The following PCDHGB6 variants were observed in gnomAD, a reference collection of about 807,000 sequenced individuals.
PCDHGB6 encodes protocadherin gamma-B6.
A neutral mutation model predicts 59.1 loss-of-function variants in PCDHGB6; 51 were observed. The ratio of observed to expected loss-of-function variants is 0.86; its 90% CI spans 0.69 to 1.09. The LOEUF (loss-of-function observed/expected upper bound fraction) is 1.09, where lower values mean the gene tolerates loss of function less well. Ranked by LOEUF, PCDHGB6 falls within the 50% of genes least tolerant of loss-of-function variation. The pLI is 0.00. For missense variants in PCDHGB6, 1,148 were observed against 1,205.1 expected, an observed-to-expected ratio of 0.95 and a Z score of 0.70; for synonymous variants, 466 against 495.1, an observed-to-expected ratio of 0.94 and a Z score of 0.78.
At chr5:141,423,183 G>GCCCCCTCTCTCGGCCAC (rs760086052) in intron 1 of PCDHGB6, 8 of 1,613,570 alleles carry the variant, frequency 5.0e-6, no homozygotes, top group Non-Finnish European at 6.8e-6. Context: ...ACCACGGCCA[G>GCCCCCTCTCTCGGCCAC]CCCCCTCTCT....
At position 141,421,233 on chromosome 5, in the gene PCDHGB6, G is replaced by A. The variant is rs201076931; in HGVS notation, c.2418+10613G>A. Reference sequence around the variant, plus strand: ...ATATCGGCTTAGAGCCTGCCATGGCGAATCGGCTACAGCGCGGGGACCGCA... The same window carrying A: ...ATATCGGCTTAGAGCCTGCCATGGCAAATCGGCTACAGCGCGGGGACCGCA... On this transcript the variant is annotated intron_variant, in intron 1 of 3. Coordinates refer to ENST00000520790, the MANE Select transcript of PCDHGB6 (RefSeq NM_018926.3). 1.4e-3 allele frequency: 2,185 copies of A among 1,592,236 alleles called. 58 individuals are homozygous for A. In the South Asian group the frequency reaches 0.024, roughly 17 times the overall value.
At position 141,431,555 on chromosome 5, in the gene PCDHGB6, G is replaced by A. The variant is rs2097394199; in HGVS notation, c.2418+20935G>A. On this transcript the variant is annotated intron_variant, in intron 1 of 3. Transcript: ENST00000520790. This position sits in a 1 kb window ranked among gnomAD's most constrained non-coding sequence, Gnocchi z 4.8. The stretch of plus-strand genomic sequence containing the variant: ...GGGCACGCAGCTGCTTGTAGTCAAC[G>A]CTACCGACCCTGACGAAGGAGTCAA... 1 of 1,614,014 alleles carries A rather than the reference G, an allele frequency of 6.2e-7. No individual in the cohort carries two copies. The highest frequency in any genetic ancestry group is 8.5e-7 in the Non-Finnish European group (1 of 1,180,032).
chr5:141,452,929 G>A (rs2154564099), intron 1 of PCDHGB6, among the ~76,000 whole-genome samples: 1 of 152,310 alleles, frequency 6.6e-6, no homozygotes, highest in Admixed American at 6.5e-5. Flanking sequence ...AAGAGCTGCT[G>A]AAGATTTGCT....
chr5:141,498,294 G>A (rs2099782964), intron 2 of PCDHGB6, among the ~76,000 whole-genome samples: 1 of 151,910 alleles, frequency 6.6e-6, no homozygotes, highest in African/African-American at 2.4e-5. Flanking sequence ...GATCAAGCCA[G>A]CTCTGGGTCA....
chr5:141,418,864 A>T, intron 1 of PCDHGB6: 1 of 1,614,046 alleles, frequency 6.2e-7, no homozygotes, highest in Non-Finnish European at 8.5e-7. Context: ...AAGTAATTGT[A>T]GAAGTTGTAG....
At chr5:141,505,348 G>A (rs1414647950) in intron 2 of PCDHGB6, 45 bp from the exon 3 acceptor site, 1 of 1,613,358 alleles carries the variant, frequency 6.2e-7, no homozygotes, top group Admixed American at 1.7e-5. Context: ...GGCATGAGCT[G>A]TGCCGGCCTG....
At chr5:141,482,371 T>C (rs1191880709) in intron 1 of PCDHGB6, among the ~76,000 whole-genome samples, 2 of 152,100 alleles carry the variant, frequency 1.3e-5, no homozygotes, top group African/African-American at 2.4e-5. Flanking sequence ...AAGTAATGCA[T>C]ATAAAGTCCC....
chr5:141,411,515 T>A (rs1381474249), intron 1 of PCDHGB6: 1 of 151,910 alleles, frequency 6.6e-6, no homozygotes, highest in East Asian at 1.9e-4. Flanking sequence ...TCCTGGGAGG[T>A]CAAGGTTGCA....
At chr5:141,415,312 A>G (rs1245475147) in intron 1 of PCDHGB6, 1 of 1,614,222 alleles carries the variant, frequency 6.2e-7, no homozygotes, top group Non-Finnish European at 8.5e-7. Context: ...GGCCTTCGTC[A>G]TCGTGCTGCT....
chr5:141,419,423 C>A, intron 1 of PCDHGB6: 1 of 1,613,368 alleles, frequency 6.2e-7, no homozygotes, highest in Non-Finnish European at 8.5e-7. Context: ...CGCCTTCGAC[C>A]ACGAGCAGCT....
chr5:141,508,599 G>T lies in PCDHGB6; in HGVS notation c.2567-2348G>T, dbSNP rs948748985. On this transcript the variant is annotated intron_variant, in intron 3 of 3. Coordinates refer to ENST00000520790, the MANE Select transcript of PCDHGB6 (RefSeq NM_018926.3). ...CTCGGGGTGCTACTCAGAGATCTTGGGTGCACATAGGACGTGGGTGGGCCG... is the reference window on the plus strand; with the variant it reads ...CTCGGGGTGCTACTCAGAGATCTTGTGTGCACATAGGACGTGGGTGGGCCG... Among the ~76,000 whole-genome samples the T allele has an allele frequency of 3.9e-5, 6 of 152,212 alleles. No individual in the cohort carries two copies. The South Asian group carries it at 1.2e-3, about 32-fold the overall frequency.
Position 141,489,101 on chromosome 5 carries a change from T to C in PCDHGB6, c.2419-5706T>C. The C allele has an allele frequency of 2.5e-6, 1 of 398,412 alleles. No homozygotes were observed. The highest frequency in any genetic ancestry group is 4.3e-5 in the South Asian group (1 of 23,096). The allele number at this position is 398,412 out of a possible 1,614,324, so 24.7% of individuals were successfully genotyped here. A position where few individuals can be genotyped will look rare whatever the true frequency, so the allele number is the denominator to read the frequency against. ...CCGCCACTCGGTGACTAAGAACTGC[T>C]GCAAGCAGGCAAACCTCCGAGCAGT... On this transcript the variant is annotated intron_variant, in intron 1 of 3. Coordinates refer to ENST00000520790, the MANE Select transcript of PCDHGB6 (RefSeq NM_018926.3). The surrounding 1 kb of genome is among the most constrained non-coding windows in gnomAD (Gnocchi z 4.5).
At chr5:141,415,502 A>C (rs1162629839) in intron 1 of PCDHGB6, 6 of 1,614,086 alleles carry the variant, frequency 3.7e-6, no homozygotes, top group Admixed American at 1.7e-5. Flanking sequence ...ATCTTCCCCC[A>C]GCCCAATTAT....
intron 1 of PCDHGB6, chr5:141,415,513 G>A: frequency 6.2e-7 from 1 of 1,614,214 alleles, no homozygotes; most frequent in East Asian, 2.2e-5. Context: ...GCCCAATTAT[G>A]CGGACACGCT....
rs996556361 is a variant in PCDHGB6, at chr5:141,511,290, A to G, written c.*117A>G. 1.3e-6 allele frequency: 2 copies of G among 1,516,984 alleles called. No homozygotes were observed. The highest frequency in any genetic ancestry group is 1.8e-6 in the Non-Finnish European group (2 of 1,129,124). The allele number at this position is 1,516,984 out of a possible 1,614,324, so 94.0% of individuals were successfully genotyped here. ...AACCCCCAGAATACTGGTAGGGGCC[A>G]AGGCCATGCTCCCCTTGGGAAACAG... is the stretch of plus-strand genomic sequence containing the variant. On this transcript the variant is annotated 3_prime_UTR_variant, in exon 4 of 4. Coordinates refer to ENST00000520790, the MANE Select transcript of PCDHGB6 (RefSeq NM_018926.3).
At chr5:141,508,906 G>A (rs2099872897) in intron 3 of PCDHGB6, among the ~76,000 whole-genome samples, 1 of 152,092 alleles carries the variant, frequency 6.6e-6, no homozygotes, top group Non-Finnish European at 1.5e-5. Context: ...CGGGGCGGTG[G>A]CGGATCTGGC....
In PCDHGB6 at chr5:141,408,256, T is replaced by C; in HGVS notation, c.54T>C (p.Phe18=). ...RRRAGPRQVL[F]PLLLPLFYPT... The stretch of plus-strand genomic sequence containing the variant: ...GGGCCGGCCCGCGGCAGGTGCTATT[T>C]CCTTTGCTGCTGCCTTTGTTCTACC... The change falls in exon 1 of 4, where the codon TTT becomes TTC. Residue 18 remains phenylalanine (F), a synonymous_variant. Transcript: ENST00000520790. The C allele has an allele frequency of 6.2e-7, 1 of 1,602,226 alleles. No individual in the cohort carries two copies. Among genetic ancestry groups the C allele is most frequent in the East Asian group, 2.3e-5 (1 of 44,430 alleles).
chr5:141,417,980 C>A lies in PCDHGB6; in HGVS notation c.2418+7360C>A, dbSNP rs905203424. On this transcript the variant is annotated intron_variant, in intron 1 of 3. Transcript: ENST00000520790. ...GATCCGCTACTCGATTCCGGAGGAG[C>A]TGGCCAAGGGCTCGGTGGTGGGGAA... is the stretch of plus-strand genomic sequence containing the variant. 4.3e-6 allele frequency: 7 copies of A among 1,613,856 alleles called. No homozygotes were observed. The Admixed American group carries it at 1.0e-4, about 23-fold the overall frequency.
chr5:141,474,244 A>G (rs910247549), intron 1 of PCDHGB6, among the ~76,000 whole-genome samples: 26 of 152,270 alleles, frequency 1.7e-4, no homozygotes, highest in Non-Finnish European at 3.2e-4. Context: ...TGAATAGGGG[A>G]AAAAAAGACT....
Sources: allele counts gnomAD v4.1 joint callset (sites outside exome capture counted in the v4.1 genomes callset), GRCh38; gene constraint gnomAD v4.1.1; non-coding constraint Gnocchi (gnomAD v3.1); transcripts MANE v1.5; gene names NCBI Gene and HGNC (gene_info 2026-07-23, HGNC 2026-07-21).